ATP8A2: variants seen among roughly 807,000 people sequenced by gnomAD.
The protein encoded by ATP8A2 is phospholipid-transporting ATPase IB.
Under a neutral mutation model 165.6 loss-of-function variants are expected in ATP8A2, and 100 were observed. That is an observed-to-expected ratio of 0.60 (90% CI 0.51 to 0.71). The LOEUF (loss-of-function observed/expected upper bound fraction) is 0.71, where lower values mean the gene tolerates loss of function less well. Ranked by LOEUF, ATP8A2 falls within the 30% of genes least tolerant of loss-of-function variation. ATP8A2 has a pLI of 0.00. For missense variants in ATP8A2, 1,227 were observed against 1,479.5 expected (o/e 0.83, Z 2.80); for synonymous variants, 543 against 548.8 (o/e 0.99, Z 0.15).
At chr13:25,773,738 GTATC>G (rs1350352125) in intron 26 of ATP8A2, among the ~76,000 whole-genome samples, 1 of 152,014 alleles carries the variant, frequency 6.6e-6, no homozygotes. Flanking sequence ...ATTTGTATGA[GTATC>G]TATGTATGTG....
intron 9 of ATP8A2, among the ~76,000 whole-genome samples, chr13:25,543,016 G>A (rs2038532445): frequency 1.3e-5 from 2 of 152,070 alleles, no homozygotes; most frequent in Non-Finnish European, 2.9e-5. Flanking sequence ...TGGGTATTGA[G>A]TTTCATAACA....
At chr13:25,465,169 A>C (rs1420782481) in intron 1 of ATP8A2, among the ~76,000 whole-genome samples, 1 of 152,186 alleles carries the variant, frequency 6.6e-6, no homozygotes, top group African/African-American at 2.4e-5. Flanking sequence ...ATCTCATGAA[A>C]CCTTAGTCAT....
chr13:25,384,433 C>G (rs1263043931), intron 1 of ATP8A2, among the ~76,000 whole-genome samples: 1 of 152,164 alleles, frequency 6.6e-6, no homozygotes. Context: ...TTTCTGGTGG[C>G]AACTCTAGAA....
At chr13:25,749,374 A>G (rs1359673353) in intron 25 of ATP8A2, among the ~76,000 whole-genome samples, 2 of 152,194 alleles carry the variant, frequency 1.3e-5, no homozygotes, top group Admixed American at 6.5e-5. Flanking sequence ...GGACCCCGCC[A>G]GGAAGGAGAC....
At chr13:25,947,537 G>T (rs545101870) in intron 33 of ATP8A2, among the ~76,000 whole-genome samples, 2 of 152,232 alleles carry the variant, frequency 1.3e-5, no homozygotes, top group South Asian at 4.2e-4. Flanking sequence ...AAGCCTCAAG[G>T]CCAAGAGGGT....
intron 27 of ATP8A2, among the ~76,000 whole-genome samples, chr13:25,787,420 C>T (rs533989892): frequency 1.2e-4 from 19 of 152,302 alleles, no homozygotes; most frequent in African/African-American, 3.6e-4. Context: ...GAGTGGTATT[C>T]CATTGCATGG....
chr13:25,694,927 C>A (rs1382465996), intron 24 of ATP8A2, among the ~76,000 whole-genome samples: 1 of 152,176 alleles, frequency 6.6e-6, no homozygotes, highest in Non-Finnish European at 1.5e-5. Context: ...AGGTGATCCT[C>A]CCTCTTTGGC....
At chr13:25,525,337 ACAC>A (rs1439138382) in intron 2 of ATP8A2, among the ~76,000 whole-genome samples, 1 of 152,166 alleles carries the variant, frequency 6.6e-6, no homozygotes, top group Admixed American at 6.6e-5. Context: ...AGTGGATTGC[ACAC>A]CACAATTACA....
intron 35 of ATP8A2, among the ~76,000 whole-genome samples, chr13:25,978,927 G>A (rs1391492021): frequency 2.0e-5 from 3 of 151,772 alleles, no homozygotes; most frequent in Non-Finnish European, 4.4e-5. Context: ...GCGACAGAGC[G>A]AGACTACGGC....
chr13:25,864,252 G>A (rs552796657), intron 33 of ATP8A2, among the ~76,000 whole-genome samples: 19 of 150,722 alleles, frequency 1.3e-4, no homozygotes, highest in African/African-American at 2.9e-4. Context: ...CTGACAGGAC[G>A]GGGTCGCTTG....
At chr13:25,487,663 T>C (rs1238004854) in intron 2 of ATP8A2, among the ~76,000 whole-genome samples, 1 of 152,202 alleles carries the variant, frequency 6.6e-6, no homozygotes, top group East Asian at 1.9e-4. Context: ...TTAGTAGAGA[T>C]TAAAAGGTAA....
At chr13:25,528,260 A>G (rs2037904138) in intron 2 of ATP8A2, among the ~76,000 whole-genome samples, 1 of 152,224 alleles carries the variant, frequency 6.6e-6, no homozygotes, top group African/African-American at 2.4e-5. Flanking sequence ...TTCAAGTTAC[A>G]TATTGTTTAA....
intron 2 of ATP8A2, among the ~76,000 whole-genome samples, chr13:25,479,067 C>T (rs571078224): frequency 2.6e-5 from 4 of 152,070 alleles, no homozygotes; most frequent in African/African-American, 4.8e-5. Context: ...AGGATGGTAT[C>T]GATCTCCTGA....
intron 27 of ATP8A2, among the ~76,000 whole-genome samples, chr13:25,796,944 T>A (rs1034643946): frequency 6.6e-6 from 1 of 152,150 alleles, no homozygotes; most frequent in Non-Finnish European, 1.5e-5. Context: ...CAGGTGACTA[T>A]AGTCAACAGT....
intron 2 of ATP8A2, among the ~76,000 whole-genome samples, chr13:25,514,240 C>T (rs1420288353): frequency 6.6e-6 from 1 of 152,044 alleles, no homozygotes; most frequent in African/African-American, 2.4e-5. Context: ...ATTCTTGTTT[C>T]ATGTGAATGT....
chr13:25,576,398 C>T (rs1323960874), intron 19 of ATP8A2, among the ~76,000 whole-genome samples: 2 of 151,938 alleles, frequency 1.3e-5, no homozygotes, highest in Non-Finnish European at 2.9e-5. Context: ...CGTGTGTGCT[C>T]GAAGCCTGGT....
At chr13:25,753,375 G>A (rs1031819706) in intron 25 of ATP8A2, among the ~76,000 whole-genome samples, 28 of 152,316 alleles carry the variant, frequency 1.8e-4, no homozygotes, top group Admixed American at 5.2e-4. Context: ...TTGGCCAGAC[G>A]CTCTGGCTTG....
intron 33 of ATP8A2, among the ~76,000 whole-genome samples, chr13:25,940,312 C>G (rs946836823): frequency 6.6e-6 from 1 of 152,182 alleles, no homozygotes; most frequent in Admixed American, 6.5e-5. Context: ...CTCCCATCTC[C>G]GAGTTAAGAC....
intron 33 of ATP8A2, among the ~76,000 whole-genome samples, chr13:25,869,709 G>A (rs572951822): frequency 2.6e-5 from 4 of 152,318 alleles, no homozygotes; most frequent in Non-Finnish European, 4.4e-5. Flanking sequence ...CTGGCAGGGC[G>A]TGTGAGAGGG....
Sources: gnomAD v4.1 joint callset for allele counts (sites outside exome capture counted in the v4.1 genomes callset) on GRCh38, gnomAD v4.1.1 for gene constraint, MANE v1.5 for transcripts, NCBI Gene and HGNC (gene_info 2026-07-23, HGNC 2026-07-21) for gene names.